Variants in RIDA observed in about 807,000 individuals in gnomAD.
RIDA encodes the protein 2-iminobutanoate/2-iminopropanoate deaminase.
In RIDA, 17 loss-of-function variants were observed where a neutral mutation model predicts 17.8. That is an observed-to-expected ratio of 0.96 (90% confidence interval 0.65 to 1.43). The LOEUF (loss-of-function observed/expected upper bound fraction) is 1.43, where lower values mean the gene tolerates loss of function less well. Ranked by LOEUF, RIDA falls within the 40% of genes most tolerant of loss-of-function variation. RIDA has a pLI of 0.00. For missense variants in RIDA, 158 were observed against 161.7 expected, an observed-to-expected ratio of 0.98 and a Z score of 0.12; for synonymous variants, 48 against 55.7, an observed-to-expected ratio of 0.86 and a Z score of 0.62.
At chr8:98,114,912 C>T (rs562324355) in intron 1 of RIDA, among the ~76,000 whole-genome samples, 1 of 151,760 alleles carries the variant, frequency 6.6e-6, no homozygotes, top group South Asian at 2.1e-4. Context: ...TCAATCTACA[C>T]CAGGGACAAC....
Position 98,112,195 on chromosome 8 carries a change from A to AACACACACACACACAC in RIDA, c.66-3460_66-3445dup, listed in dbSNP as rs56178607. On this transcript the variant is annotated intron_variant, in intron 1 of 5. Coordinates refer to ENST00000254878, the MANE Select transcript of RIDA (RefSeq NM_005836.3). ...TGTTATCATAAATAAAACTATACTA[A>AACACACACACACACAC]ACACACACACACACACACACACACA... 8.9e-3 allele frequency among the ~76,000 whole-genome samples: 1,320 copies of AACACACACACACACAC among 148,040 alleles called. 13 individuals are homozygous for AACACACACACACACAC. The highest frequency in any genetic ancestry group is 0.026 in the African/African-American group (1,016 of 39,822).
chr8:98,115,044 C>T (rs1011086011), intron 1 of RIDA, among the ~76,000 whole-genome samples: 2 of 151,998 alleles, frequency 1.3e-5, no homozygotes, highest in African/African-American at 4.8e-5. Flanking sequence ...GTTTCTTCAT[C>T]TGAAAAATAG....
intron 5 of RIDA, among the ~76,000 whole-genome samples, chr8:98,103,306 T>C (rs977766472): frequency 1.3e-5 from 2 of 152,206 alleles, no homozygotes; most frequent in Non-Finnish European, 2.9e-5. Flanking sequence ...TAATGATCAT[T>C]CCAAGTAACA....
At chr8:98,112,114 A>G (rs1815737226) in intron 1 of RIDA, among the ~76,000 whole-genome samples, 1 of 151,934 alleles carries the variant, frequency 6.6e-6, no homozygotes, top group African/African-American at 2.4e-5. Flanking sequence ...ACAGCTACAT[A>G]TGTTTTACAA....
intron 2 of RIDA, 83 bp downstream of exon 2, chr8:98,108,563 A>G (rs1815666604): frequency 1.2e-6 from 1 of 860,854 alleles, no homozygotes; most frequent in Non-Finnish European, 2.0e-6. Context: ...TCTATAAAAC[A>G]AATCAGGCAA....
intron 1 of RIDA, among the ~76,000 whole-genome samples, chr8:98,115,416 G>A (rs113483981): frequency 0.018 from 1,511 of 84,686 alleles, 68 homozygotes; most frequent in African/African-American, 0.07. Flanking sequence ...AAAAAAAAAA[G>A]GGATAGTGCC....
rs767565666 is a variant in RIDA at position 98,106,225 on chromosome 8, C to A, written c.226+47G>T. 6.4e-6 allele frequency: 10 copies of A among 1,567,360 alleles called. No individual in the cohort carries two copies. In the Admixed American group the frequency reaches 1.7e-4, roughly 27 times the overall value. On this transcript the variant is annotated intron_variant, in intron 3 of 5. Coordinates refer to ENST00000254878, the MANE Select transcript of RIDA (RefSeq NM_005836.3). ...GGATGCCATATATTTTTCAAAAAGA[C>A]CAAAGAAATATCAAAAAGAAATGTG... is the stretch of plus-strand genomic sequence containing the variant.
intron 1 of RIDA, among the ~76,000 whole-genome samples, chr8:98,114,654 C>G (rs1002698764): frequency 6.6e-6 from 1 of 152,024 alleles, no homozygotes; most frequent in Admixed American, 6.5e-5. Context: ...TTTTGTTGGT[C>G]ACTTTTATTT....
chr8:98,108,814 G>T, intron 1 of RIDA, 63 bp from the exon 2 acceptor site: 1 of 988,736 alleles, frequency 1.0e-6, no homozygotes, highest in Non-Finnish European at 1.6e-6. Context: ...AATGCTAGAA[G>T]ACTTTTTTGA....
intron 4 of RIDA, 101 bp downstream of exon 4, chr8:98,105,837 A>G (rs973533955): frequency 1.4e-6 from 1 of 701,378 alleles, no homozygotes; most frequent in African/African-American, 1.8e-5. Flanking sequence ...CCATTTCTTT[A>G]GCATCTCCTA....
At chr8:98,113,262 T>C (rs892481582) in intron 1 of RIDA, among the ~76,000 whole-genome samples, 3 of 152,214 alleles carry the variant, frequency 2.0e-5, no homozygotes, top group Non-Finnish European at 4.4e-5. Context: ...GGCTAATTAG[T>C]GACAACACCC....
chr8:98,103,660 G>A (rs775980903), intron 5 of RIDA, among the ~76,000 whole-genome samples: 46 of 147,846 alleles, frequency 3.1e-4, no homozygotes, highest in Non-Finnish European at 5.5e-4. Flanking sequence ...TTTTTGTGAT[G>A]GAGTCTCGCT....
In RIDA at chr8:98,102,876, G is replaced by A. The variant is rs757628394; in HGVS notation, c.380C>T (p.Ala127Val). Residue 127 changes from alanine (A) to valine (V), a missense_variant, in exon 6 of 6, where the codon GCT (alanine) becomes GTT (valine). Physicochemically the swap from Ala to Val is moderately conservative, Grantham distance 64. Coordinates refer to ENST00000254878, the MANE Select transcript of RIDA (RefSeq NM_005836.3). ...TGCCGTTGTCAGTGGTCCTTGGATA[G>A]CTACTGCTTCAATTTCAATTCGGCT... is the stretch of plus-strand genomic sequence containing the variant. ...KGSRIEIEAV[A>V]IQGPLTTASL 2.5e-6 allele frequency: 4 copies of A among 1,613,240 alleles called. No individual in the cohort carries two copies. The African/African-American group carries it at 4.0e-5, about 16-fold the overall frequency.
At chr8:98,106,410 T>G in intron 2 of RIDA, 84 bp from the exon 3 acceptor site, 1 of 1,171,398 alleles carries the variant, frequency 8.5e-7, no homozygotes, top group Non-Finnish European at 1.3e-6. Context: ...CTTTTACTAA[T>G]ACCTCCTTAA....
chr8:98,108,619 G>T, intron 2 of RIDA, 27 bp downstream of exon 2: 1 of 1,408,042 alleles, frequency 7.1e-7, no homozygotes, highest in Non-Finnish European at 1.0e-6. Flanking sequence ...GTAGAAAAGG[G>T]AACCTTAAAT....
chr8:98,117,135 A>T lies in RIDA; in HGVS notation c.-39T>A, dbSNP rs755432267. The T allele has an allele frequency of 1.3e-6, 2 of 1,594,322 alleles. No individual in the cohort carries two copies. The highest frequency in any genetic ancestry group is 3.3e-5 in the Admixed American group (2 of 60,010). On this transcript the variant is annotated 5_prime_UTR_variant, in exon 1 of 6. Transcript: ENST00000254878. ...CTCTTGCAGCCCCTTCAGGAGAAGA[A>T]GCCCCAGCACCAGCCCTGCTGGCTT...
At chr8:98,114,450 G>A (rs189185686) in intron 1 of RIDA, among the ~76,000 whole-genome samples, 3 of 150,960 alleles carry the variant, frequency 2.0e-5, no homozygotes, top group Non-Finnish European at 4.4e-5. Context: ...TCAGCCTCCC[G>A]AGTAGCTGAG....
chr8:98,114,724 C>T (rs2447507), intron 1 of RIDA, among the ~76,000 whole-genome samples: 69,137 of 151,886 alleles, frequency 0.46, 15,972 homozygotes, highest in South Asian at 0.51. Context: ...GACAAAGAAG[C>T]AAACTAAGAG....
chr8:98,115,504 AT>A (rs2130559050), intron 1 of RIDA, among the ~76,000 whole-genome samples: 1 of 152,072 alleles, frequency 6.6e-6, no homozygotes, highest in South Asian at 2.1e-4. Flanking sequence ...GAGAAAAAAA[AT>A]CATCTTTAGA....
Sources: gnomAD v4.1 joint callset for allele counts (sites outside exome capture counted in the v4.1 genomes callset) on GRCh38, gnomAD v4.1.1 for gene constraint, MANE v1.5 for transcripts, NCBI Gene and HGNC (gene_info 2026-07-23, HGNC 2026-07-21) for gene names.